SLCO3A1: variants seen among roughly 807,000 people sequenced by gnomAD.
SLCO3A1 encodes the protein solute carrier organic anion transporter family member 3A1.
SLCO3A1 carries 27 observed loss-of-function variants against 63.1 expected under a neutral mutation model. The observed-to-expected ratio is 0.43, with a 90% CI of 0.32 to 0.59. The LOEUF is 0.59. Ranked by LOEUF, SLCO3A1 falls within the 20% of genes least tolerant of loss-of-function variation. The pLI is 0.09. For synonymous variants in SLCO3A1, 473 were observed against 409.9 expected (o/e 1.15, Z -1.86); for missense variants, 773 against 945.8 (o/e 0.82, Z 2.40).
intron 3 of SLCO3A1, among the ~76,000 whole-genome samples, chr15:92,102,995 G>T (rs1289643512): frequency 1.3e-5 from 2 of 152,204 alleles, no homozygotes; most frequent in Non-Finnish European, 2.9e-5. Context: ...TATGGGGAAG[G>T]TTGGCTGGAA....
intron 2 of SLCO3A1, among the ~76,000 whole-genome samples, chr15:91,953,289 G>A (rs554589173): frequency 1.3e-5 from 2 of 152,308 alleles, no homozygotes; most frequent in South Asian, 2.1e-4. Flanking sequence ...TTCTTGGTGT[G>A]TTGCAGGAGG....
At chr15:91,947,480 C>G (rs1899848928) in intron 2 of SLCO3A1, among the ~76,000 whole-genome samples, 1 of 152,064 alleles carries the variant, frequency 6.6e-6, no homozygotes, top group African/African-American at 2.4e-5. Context: ...TCCCTTTTTT[C>G]TCTGCTCTGG....
At chr15:92,141,186 C>A (rs1343604877) in intron 7 of SLCO3A1, among the ~76,000 whole-genome samples, 1 of 152,196 alleles carries the variant, frequency 6.6e-6, no homozygotes, top group Non-Finnish European at 1.5e-5. Context: ...GAATTCACCT[C>A]TCGCAGAGGC....
rs527740655 is a variant in SLCO3A1, at chr15:91,875,245, T to C, written c.180+21157T>C. On this transcript the variant is annotated intron_variant, in intron 1 of 9. Transcript: ENST00000318445. This position sits in a 1 kb window ranked among gnomAD's most constrained non-coding sequence, Gnocchi z 4.5. ...TAGTCCTTTAGGGGCGGCAGTGTTG[T>C]CCCACATTGTAGCTCATTGTAGGAG... Among the ~76,000 whole-genome samples, 9 of 152,254 alleles carry C rather than the reference T, an allele frequency of 5.9e-5. No individual in the cohort carries two copies. The South Asian group carries it at 1.9e-3, about 32-fold the overall frequency.
intron 2 of SLCO3A1, among the ~76,000 whole-genome samples, chr15:91,917,049 G>C (rs564832103): frequency 5.3e-4 from 80 of 152,304 alleles, no homozygotes; most frequent in African/African-American, 1.8e-3. Context: ...TTTTATACTG[G>C]AAGGATGGAA....
At chr15:92,002,590 C>G (rs1008800710) in intron 2 of SLCO3A1, among the ~76,000 whole-genome samples, 1 of 152,170 alleles carries the variant, frequency 6.6e-6, no homozygotes, top group African/African-American at 2.4e-5. Context: ...TGACTCCAGC[C>G]TTTCCAAATA....
At chr15:92,046,481 G>T (rs1479899277) in intron 2 of SLCO3A1, among the ~76,000 whole-genome samples, 2 of 152,170 alleles carry the variant, frequency 1.3e-5, no homozygotes, top group Non-Finnish European at 2.9e-5. Context: ...ATTGAGCCAA[G>T]ATCATGCCAC....
rs71912147 is a variant in SLCO3A1, at chr15:91,873,531, TACACACACACAC to T, written c.180+19467_180+19478del. ...TGCTTCATATATACAGCTACATTCA[TACACACACACAC>T]ACACACACACACACACACACACATA... On this transcript the variant is annotated intron_variant, in intron 1 of 9. Transcript: ENST00000318445. 4.8e-5 allele frequency among the ~76,000 whole-genome samples: 7 copies of T among 146,764 alleles called. No individual in the cohort carries two copies. The South Asian group carries it at 6.6e-4, about 14-fold the overall frequency.
Position 92,163,146 on chromosome 15 carries a change from AG to A in SLCO3A1, c.*14del. On this transcript the variant is annotated 3_prime_UTR_variant, in exon 10 of 10. Coordinates refer to ENST00000318445, the MANE Select transcript of SLCO3A1 (RefSeq NM_013272.4). ...GAGTCCGTTTTATAGTGACTAAAGG[AG>A]GGCTGAACTCTGTATTAGTAATCCA... is the stretch of plus-strand genomic sequence containing the variant. 1 of 1,500,464 alleles carries A rather than the reference AG, an allele frequency of 6.7e-7. No individual in the cohort carries two copies. The highest frequency in any genetic ancestry group is 2.4e-5 in the Admixed American group (1 of 42,126). The allele number at this position is 1,500,464 out of a possible 1,614,324, so 92.9% of individuals were successfully genotyped here.
rs1197409494 is a variant in SLCO3A1 at position 91,894,134 on chromosome 15, A to C, written c.181-21859A>C. Among the ~76,000 whole-genome samples the C allele has an allele frequency of 6.6e-6, 1 of 152,016 alleles. No individual in the cohort carries two copies. The highest frequency in any genetic ancestry group is 1.5e-5 in the Non-Finnish European group (1 of 68,000). On this transcript the variant is annotated intron_variant, in intron 1 of 9. Transcript: ENST00000318445. This position sits in a 1 kb window ranked among gnomAD's most constrained non-coding sequence, Gnocchi z 4.8. The stretch of plus-strand genomic sequence containing the variant: ...GCAGATGCAGTAGCACATTGTCTCA[A>C]GTTGAGGATGGGTTTGATCTGTTTG...
chr15:91,977,960 G>A (rs1901183236), intron 2 of SLCO3A1, among the ~76,000 whole-genome samples: 1 of 152,136 alleles, frequency 6.6e-6, no homozygotes, highest in Non-Finnish European at 1.5e-5. Context: ...ACCTTGCATG[G>A]GTCCAGGCAC....
At chr15:92,097,610 G>A (rs553890234) in intron 3 of SLCO3A1, among the ~76,000 whole-genome samples, 14 of 152,202 alleles carry the variant, frequency 9.2e-5, no homozygotes, top group Non-Finnish European at 1.5e-4. Context: ...TTTCAGTCCC[G>A]TGTGGGCATC....
chr15:91,893,116 C>T (rs919299129), intron 1 of SLCO3A1, among the ~76,000 whole-genome samples: 9 of 152,218 alleles, frequency 5.9e-5, no homozygotes, highest in Non-Finnish European at 1.2e-4. Context: ...TATCTCTGCT[C>T]TTCTGCAAGG....
intron 2 of SLCO3A1, among the ~76,000 whole-genome samples, chr15:91,969,452 C>T (rs966307584): frequency 2.0e-5 from 3 of 151,978 alleles, no homozygotes; most frequent in Non-Finnish European, 2.9e-5. Flanking sequence ...GTTACAGGTA[C>T]GTGCCACCAT....
At chr15:91,970,330 C>T (rs1900812395) in intron 2 of SLCO3A1, among the ~76,000 whole-genome samples, 4 of 152,170 alleles carry the variant, frequency 2.6e-5, no homozygotes, top group South Asian at 4.1e-4. Flanking sequence ...TGATGAAATC[C>T]GCAGCTGGTG....
At chr15:91,960,005 A>T (rs936886242) in intron 2 of SLCO3A1, among the ~76,000 whole-genome samples, 2 of 151,936 alleles carry the variant, frequency 1.3e-5, no homozygotes, top group Non-Finnish European at 2.9e-5. Flanking sequence ...TTGTTTTGAG[A>T]TGGAGTCTCA....
chr15:92,093,652 G>A (rs901305298), intron 2 of SLCO3A1, among the ~76,000 whole-genome samples: 4 of 152,102 alleles, frequency 2.6e-5, no homozygotes, highest in African/African-American at 9.7e-5. Flanking sequence ...TCAAGTCAGC[G>A]AGGCTAGGAT....
intron 2 of SLCO3A1, among the ~76,000 whole-genome samples, chr15:91,928,843 G>A (rs957232115): frequency 2.0e-5 from 3 of 152,154 alleles, no homozygotes; most frequent in African/African-American, 4.8e-5. Flanking sequence ...CTCACCAGAC[G>A]GTTTTGTTTA....
rs201261449 is a variant in SLCO3A1 at position 92,157,492 on chromosome 15, ATT to A, written c.1754-5248_1754-5247del. Among the ~76,000 whole-genome samples the A allele has an allele frequency of 6.2e-3, 870 of 141,236 alleles. 12 individuals carry two copies. Among genetic ancestry groups the A allele is most frequent in the African/African-American group, 0.021 (804 of 37,722 alleles). The allele number at this position is 141,236 out of a possible 152,430, so 92.7% of individuals were successfully genotyped here. A position where few individuals can be genotyped will look rare whatever the true frequency, so the allele number is the denominator to read the frequency against. ...CTAAAACTTATGATGATGTGGAGAA[ATT>A]TTTTTTTTTTTTTTTGAGACCAGTC... On this transcript the variant is annotated intron_variant, in intron 9 of 9. Transcript: ENST00000318445.
Sources: gnomAD v4.1 joint callset for allele counts (sites outside exome capture counted in the v4.1 genomes callset) on GRCh38, gnomAD v4.1.1 for gene constraint, Gnocchi (gnomAD v3.1) non-coding constraint, MANE v1.5 for transcripts, NCBI Gene and HGNC (gene_info 2026-07-23, HGNC 2026-07-21) for gene names.